The following IFT74 variants were observed in gnomAD, a reference collection of about 807,000 sequenced individuals.
The protein encoded by IFT74 is intraflagellar transport protein 74 homolog.
Under a neutral mutation model 96.7 loss-of-function variants are expected in IFT74, and 92 were observed. The ratio of observed to expected loss-of-function variants is 0.95; its 90% CI spans 0.80 to 1.13. The LOEUF is 1.13. Ranked by LOEUF, IFT74 falls within the 50% of genes most tolerant of loss-of-function variation. The probability of loss-of-function intolerance (pLI) is 0.00; values close to 1 mark genes in which losing one functional copy is unlikely to be tolerated. For synonymous variants in IFT74, 223 were observed against 213.2 expected, an observed-to-expected ratio of 1.05 and a Z score of -0.40; for missense variants, 811 against 698.2, an observed-to-expected ratio of 1.16 and a Z score of -1.82.
chr9:27,031,391 C>T (rs1288880691), intron 13 of IFT74, among the ~76,000 whole-genome samples: 1 of 151,908 alleles, frequency 6.6e-6, no homozygotes, highest in African/African-American at 2.4e-5. Context: ...GGTGTGAACC[C>T]AGGAGGCGGA....
At chr9:27,034,638 C>T (rs898164510) in intron 13 of IFT74, among the ~76,000 whole-genome samples, 4 of 152,202 alleles carry the variant, frequency 2.6e-5, no homozygotes, top group Non-Finnish European at 5.9e-5. Flanking sequence ...AAACAATTCT[C>T]CTACCTCAGC....
At chr9:26,997,935 G>A in intron 8 of IFT74, 1 of 1,613,850 alleles carries the variant, frequency 6.2e-7, no homozygotes, top group Middle Eastern at 1.7e-4. Context: ...ATTTTGTTTT[G>A]GCAGAGATAT....
At chr9:27,019,074 C>T (rs1829481042) in intron 12 of IFT74, among the ~76,000 whole-genome samples, 1 of 152,064 alleles carries the variant, frequency 6.6e-6, no homozygotes. Flanking sequence ...TGGGCTCAAA[C>T]CTCCCAAGTA....
chr9:26,947,373 G>C (rs1309636729), intron 1 of IFT74: 1 of 284,192 alleles, frequency 3.5e-6, no homozygotes, highest in Non-Finnish European at 6.6e-6. Context: ...CTGAGCAAGA[G>C]AGAAAGAGGC....
At chr9:27,019,371 T>C (rs1829494092) in intron 12 of IFT74, among the ~76,000 whole-genome samples, 1 of 152,032 alleles carries the variant, frequency 6.6e-6, no homozygotes, top group African/African-American at 2.4e-5. Flanking sequence ...ATTTCATATA[T>C]ATGGAATCAT....
intron 13 of IFT74, among the ~76,000 whole-genome samples, chr9:27,043,188 G>A (rs1266465994): frequency 2.0e-5 from 3 of 152,072 alleles, no homozygotes; most frequent in African/African-American, 7.2e-5. Context: ...GTGACCATTA[G>A]GTATTTACTG....
At chr9:26,996,429 A>G in intron 8 of IFT74, 1 of 1,605,376 alleles carries the variant, frequency 6.2e-7, no homozygotes, top group Non-Finnish European at 8.5e-7. Context: ...ATTCAGCCTT[A>G]TGAGGTACTG....
Position 27,063,320 on chromosome 9 carries a change from T to A in IFT74, c.*584T>A, listed in dbSNP as rs1444884434. On this transcript the variant is annotated 3_prime_UTR_variant, in exon 20 of 20. Coordinates refer to ENST00000380062, the MANE Select transcript of IFT74 (RefSeq NM_025103.4). ...TTAATCTTTGCAATTCTTAAAATAT[T>A]TTTTCACATATATATACCTGGAAGA... 6.6e-6 allele frequency among the ~76,000 whole-genome samples: 1 copy of A among 152,170 alleles called. No homozygotes were observed. Among genetic ancestry groups the A allele is most frequent in the Non-Finnish European group, 1.5e-5 (1 of 68,006 alleles).
chr9:26,949,966 A>T (rs1225448354), intron 1 of IFT74, among the ~76,000 whole-genome samples: 1 of 152,148 alleles, frequency 6.6e-6, no homozygotes, highest in Non-Finnish European at 1.5e-5. Context: ...GCGAAGTTAC[A>T]AATCTTGTGA....
In IFT74 at chr9:26,988,643, T is replaced by G. The variant is rs1587294684; in HGVS notation, c.466-26T>G. The G allele has an allele frequency of 4.6e-6, 7 of 1,527,950 alleles. No individual in the cohort carries two copies. In the South Asian group the frequency reaches 8.2e-5, roughly 18 times the overall value. 94.6% of individuals were successfully genotyped at this position (1,527,950 alleles called of 1,614,324 possible). Reference sequence around the variant, plus strand: ...TGTGTAAAGACTAACAAAATGGTGTTTGTTTGTTTGTATTTTTGTTTTTAG... The same window carrying G: ...TGTGTAAAGACTAACAAAATGGTGTGTGTTTGTTTGTATTTTTGTTTTTAG... On this transcript the variant is annotated intron_variant, in intron 6 of 19. Transcript: ENST00000380062.
At chr9:27,017,796 G>A (rs1829419485) in intron 11 of IFT74, among the ~76,000 whole-genome samples, 1 of 152,058 alleles carries the variant, frequency 6.6e-6, no homozygotes, top group Non-Finnish European at 1.5e-5. Context: ...GTATTTAGTA[G>A]CTTTCTTACT....
intron 4 of IFT74, 84 bp downstream of exon 4, chr9:26,980,703 A>G (rs1827337742): frequency 1.2e-6 from 1 of 852,652 alleles, no homozygotes; most frequent in Non-Finnish European, 1.8e-6. Flanking sequence ...TAACTTTAAT[A>G]TGAAGTTTTA....
In IFT74 at chr9:27,044,806, T is replaced by C; in HGVS notation, c.1108+11T>C. The C allele has an allele frequency of 7.1e-7, 1 of 1,414,366 alleles. No individual in the cohort carries two copies. The highest frequency in any genetic ancestry group is 1.4e-5 in the African/African-American group (1 of 69,234). The allele number at this position is 1,414,366 out of a possible 1,614,324, so 87.6% of individuals were successfully genotyped here. A position where few individuals can be genotyped will look rare whatever the true frequency, so the allele number is the denominator to read the frequency against. On this transcript the variant is annotated intron_variant, in intron 14 of 19. Coordinates refer to ENST00000380062, the MANE Select transcript of IFT74 (RefSeq NM_025103.4). ...AGGAACATATGGACAGTAAGTGATA[T>C]TCTTGTAGATATAAAAATATAATAT...
intron 2 of IFT74, among the ~76,000 whole-genome samples, chr9:26,973,897 C>G (rs1020171331): frequency 6.6e-6 from 1 of 152,126 alleles, no homozygotes; most frequent in Non-Finnish European, 1.5e-5. Context: ...AGACAGAGAC[C>G]CTGACTCCCC....
chr9:27,039,665 G>A (rs959328477), intron 13 of IFT74, among the ~76,000 whole-genome samples: 1 of 152,146 alleles, frequency 6.6e-6, no homozygotes, highest in Admixed American at 6.6e-5. Context: ...ACAACACAGT[G>A]TAACAACCAT....
chr9:26,948,785 G>GC (rs764517425), intron 1 of IFT74, among the ~76,000 whole-genome samples: 4 of 151,866 alleles, frequency 2.6e-5, no homozygotes, highest in Admixed American at 6.6e-5. Flanking sequence ...TTATAGTACA[G>GC]CATTACATAG....
chr9:26,947,141 C>CTG, exon 1 of IFT74: 1 of 1,367,142 alleles, frequency 7.3e-7, no homozygotes, highest in South Asian at 1.6e-5. Context: ...GGAGAAGAGC[C>CTG]TGCAGGTAAG....
Position 27,047,295 on chromosome 9 carries a change from A to T in IFT74, c.1130A>T (p.Glu377Val), listed in dbSNP as rs1481341490. The T allele has an allele frequency of 6.2e-7, 1 of 1,612,426 alleles. No individual in the cohort carries two copies. Among genetic ancestry groups the T allele is most frequent in the Non-Finnish European group, 8.5e-7 (1 of 1,178,674 alleles). The change falls in exon 15 of 20, where the codon GAA (glutamate) becomes GTA (valine). Residue 377 changes from glutamate to valine, a missense_variant. By Grantham distance (121) the Glu-to-Val change is moderately radical. Coordinates refer to ENST00000380062, the MANE Select transcript of IFT74 (RefSeq NM_025103.4). Reference sequence around the variant, plus strand: ...TCAGCTTTTATTGAGACTTTTGAGGAAACAAAGAATCAGGAACTGAAACGA... The same window carrying T: ...TCAGCTTTTATTGAGACTTTTGAGGTAACAAAGAATCAGGAACTGAAACGA... ...HMDTFIETFE[E>V]TKNQELKRKA...
intron 11 of IFT74, 69 bp from the exon 12 acceptor site, chr9:27,018,578 A>G (rs1829460309): frequency 5.0e-6 from 4 of 795,260 alleles, no homozygotes; most frequent in Non-Finnish European, 8.1e-6. Flanking sequence ...TCTAGAAGGA[A>G]ATTATCTTTA....
Sources: gnomAD v4.1 joint callset for allele counts (sites outside exome capture counted in the v4.1 genomes callset) on GRCh38, gnomAD v4.1.1 for gene constraint, MANE v1.5 for transcripts, NCBI Gene and HGNC (gene_info 2026-07-23, HGNC 2026-07-21) for gene names.